The following MYO9A variants were observed in gnomAD, a reference collection of about 807,000 sequenced individuals.
The protein encoded by MYO9A is unconventional myosin-IXa.
In MYO9A, 103 loss-of-function variants were observed where a neutral mutation model predicts 293.3. The observed-to-expected ratio is 0.35, with a 90% CI of 0.30 to 0.41. The LOEUF is 0.41. MYO9A is among the 10% of genes least tolerant of loss of function. The pLI is 1.00. For synonymous variants in MYO9A, 1,001 were observed against 1,035.7 expected, an observed-to-expected ratio of 0.97 and a Z score of 0.64; for missense variants, 2,685 against 3,033.0, an observed-to-expected ratio of 0.89 and a Z score of 2.69.
chr15:71,894,624 C>T (rs560561452), intron 25 of MYO9A, among the ~76,000 whole-genome samples: 2 of 152,142 alleles, frequency 1.3e-5, no homozygotes, highest in African/African-American at 4.8e-5. Flanking sequence ...GTTGAATAGC[C>T]TAAAATCAAC....
chr15:71,981,736 T>C lies in MYO9A; in HGVS notation c.1723-3444A>G, dbSNP rs557347088. On this transcript the variant is annotated intron_variant, in intron 11 of 41. Transcript: ENST00000356056. ...TTTCAAAGTATTACTTTTGGTTTGGTTGATCCTCTCCCATGGTATATTTGT... is the reference window on the plus strand; with the variant it reads ...TTTCAAAGTATTACTTTTGGTTTGGCTGATCCTCTCCCATGGTATATTTGT... 3.5e-4 allele frequency among the ~76,000 whole-genome samples: 53 copies of C among 152,094 alleles called. 1 individual carries two copies. The South Asian group carries it at 0.01, about 29-fold the overall frequency.
At chr15:71,828,466 T>G (rs776042829) in intron 40 of MYO9A, among the ~76,000 whole-genome samples, 3 of 152,154 alleles carry the variant, frequency 2.0e-5, no homozygotes, top group Non-Finnish European at 4.4e-5. Context: ...TTAAACTATT[T>G]TCCATGAAGC....
chr15:71,924,707 G>A lies in MYO9A; in HGVS notation c.2563-8215C>T, dbSNP rs539783434. On this transcript the variant is annotated intron_variant, in intron 18 of 41. Coordinates refer to ENST00000356056, the MANE Select transcript of MYO9A (RefSeq NM_006901.4). ...AGGCCAAGATGGGTGGATCACCTGA[G>A]GTCAGGAATTCGTGACCAGCCTGAC... is the stretch of plus-strand genomic sequence containing the variant. Among the ~76,000 whole-genome samples, 4 of 152,092 alleles carry A rather than the reference G, an allele frequency of 2.6e-5. No homozygotes were observed. The South Asian group carries it at 8.3e-4, about 32-fold the overall frequency.
At chr15:71,945,950 T>C (rs986966767) in intron 15 of MYO9A, among the ~76,000 whole-genome samples, 7 of 152,218 alleles carry the variant, frequency 4.6e-5, no homozygotes, top group African/African-American at 1.7e-4. Flanking sequence ...GAGCGTGGTA[T>C]TAAGACAAAC....
At chr15:72,108,254 G>A (rs138847664) in intron 1 of MYO9A, among the ~76,000 whole-genome samples, 1 of 152,256 alleles carries the variant, frequency 6.6e-6, no homozygotes, top group African/African-American at 2.4e-5. Flanking sequence ...ATCACTGATA[G>A]GAGGACAGCT....
rs771506101 is a variant in MYO9A, at chr15:72,007,850, C to G, written c.1356G>C (p.Leu452=). The change falls in exon 8 of 42, where the codon CTG becomes CTC. Residue 452 remains leucine (L), a synonymous_variant. Transcript: ENST00000356056. ...DSIDICNPEV[L]PIVSELLEVK... ...CCTCTAATAATTCTGAGACAATAGG[C>G]AGAACTTCAGGATTACAGATATCAA... is the stretch of plus-strand genomic sequence containing the variant. The G allele has an allele frequency of 1.3e-5, 21 of 1,612,542 alleles. No individual in the cohort carries two copies. The highest frequency in any genetic ancestry group is 5.1e-6 in the Non-Finnish European group (6 of 1,179,420).
intron 11 of MYO9A, among the ~76,000 whole-genome samples, chr15:71,990,357 T>C (rs1262407172): frequency 1.3e-5 from 2 of 152,000 alleles, no homozygotes; most frequent in East Asian, 3.9e-4. Context: ...AATGCTGGGA[T>C]TGTCAGCTTG....
chr15:71,875,862 T>C lies in MYO9A; in HGVS notation c.5932-24A>G, dbSNP rs187561342. On this transcript the variant is annotated intron_variant, in intron 31 of 41. Transcript: ENST00000356056. Reference sequence around the variant, plus strand: ...ACCTGACAGGGGGACAGGAGATATATGGAAATTGTGATAACAAAGACTAAC... The same window carrying C: ...ACCTGACAGGGGGACAGGAGATATACGGAAATTGTGATAACAAAGACTAAC... 9,052 of 1,293,602 alleles carry C rather than the reference T, an allele frequency of 7.0e-3. 41 individuals carry two copies. Among genetic ancestry groups the C allele is most frequent in the Non-Finnish European group, 8.1e-3 (8,086 of 1,000,298 alleles). The allele number at this position is 1,293,602 out of a possible 1,614,324, so 80.1% of individuals were successfully genotyped here.
intron 11 of MYO9A, among the ~76,000 whole-genome samples, chr15:71,981,603 A>G (rs926034605): frequency 6.7e-6 from 1 of 149,862 alleles, no homozygotes; most frequent in Middle Eastern, 3.3e-3. Context: ...ACCCTCTATC[A>G]CTGGGATTTT....
chr15:72,080,309 T>C (rs1023168666), intron 1 of MYO9A, among the ~76,000 whole-genome samples: 25 of 140,208 alleles, frequency 1.8e-4, no homozygotes, highest in African/African-American at 4.7e-4. Flanking sequence ...ATGCTTCTCT[T>C]TTTTTTTTTT....
At chr15:72,085,640 C>T (rs1261002001) in intron 1 of MYO9A, among the ~76,000 whole-genome samples, 1 of 152,170 alleles carries the variant, frequency 6.6e-6, no homozygotes, top group Non-Finnish European at 1.5e-5. Flanking sequence ...CCCATCTCAG[C>T]CTAGTTCAGA....
At chr15:72,019,751 CT>C in intron 5 of MYO9A, among the ~76,000 whole-genome samples, 1 of 152,172 alleles carries the variant, frequency 6.6e-6, no homozygotes, top group East Asian at 1.9e-4. Flanking sequence ...GTATAACTTT[CT>C]TTTTTTCTTT....
chr15:72,052,579 G>A (rs551152268), intron 1 of MYO9A, among the ~76,000 whole-genome samples: 1 of 152,328 alleles, frequency 6.6e-6, no homozygotes, highest in African/African-American at 2.4e-5. Flanking sequence ...CCTTCATGGA[G>A]TCCAGACCTG....
At chr15:72,014,766 GAA>G (rs1163283268) in intron 6 of MYO9A, among the ~76,000 whole-genome samples, 1 of 146,642 alleles carries the variant, frequency 6.8e-6, no homozygotes, top group African/African-American at 2.5e-5. Flanking sequence ...AAGAAAGAAA[GAA>G]AGAGAAAGAA....
chr15:71,907,717 T>C (rs1382756381), intron 19 of MYO9A, among the ~76,000 whole-genome samples: 3 of 151,772 alleles, frequency 2.0e-5, no homozygotes, highest in Non-Finnish European at 4.4e-5. Context: ...TTTTTTCATG[T>C]GTTTTTTGGC....
intron 18 of MYO9A, among the ~76,000 whole-genome samples, chr15:71,926,427 G>T (rs972310735): frequency 2.0e-5 from 3 of 152,032 alleles, no homozygotes; most frequent in Non-Finnish European, 2.9e-5. Flanking sequence ...AAGTGCAGTG[G>T]GCCAGACACA....
intron 1 of MYO9A, among the ~76,000 whole-genome samples, chr15:72,048,227 C>T (rs1174611848): frequency 6.6e-6 from 1 of 151,588 alleles, no homozygotes; most frequent in Admixed American, 6.6e-5. Flanking sequence ...TGGTGAAACC[C>T]TGTCTGTACT....
intron 6 of MYO9A, among the ~76,000 whole-genome samples, chr15:72,011,845 A>G (rs748944515): frequency 6.6e-6 from 1 of 152,188 alleles, no homozygotes; most frequent in Non-Finnish European, 1.5e-5. Flanking sequence ...TACTTGGTGA[A>G]GTATATGAAC....
In MYO9A at chr15:72,013,583, TC is replaced by T. The variant is rs369967030; in HGVS notation, c.1156-3137del. On this transcript the variant is annotated intron_variant, in intron 6 of 41. Transcript: ENST00000356056. ...TGTACTTGATAACATGCCACTACAT[TC>T]CCCCCACAAACATACCCACCAAATG... is the stretch of plus-strand genomic sequence containing the variant. Among the ~76,000 whole-genome samples, 11 of 152,130 alleles carry T rather than the reference TC, an allele frequency of 7.2e-5. No homozygotes were observed. The South Asian group carries it at 1.0e-3, about 14-fold the overall frequency.
Sources: gnomAD v4.1 joint callset for allele counts (sites outside exome capture counted in the v4.1 genomes callset) on GRCh38, gnomAD v4.1.1 for gene constraint, MANE v1.5 for transcripts, NCBI Gene and HGNC (gene_info 2026-07-23, HGNC 2026-07-21) for gene names.